Variants in TNNT3 observed in about 807,000 individuals in gnomAD.
TNNT3 encodes troponin T3, fast skeletal type, also known as troponin T, fast skeletal muscle.
In TNNT3, 36 loss-of-function variants were observed where a neutral mutation model predicts 54.2. That is an observed-to-expected ratio of 0.66 (90% CI 0.51 to 0.88). The LOEUF is 0.88. Ranked by LOEUF, TNNT3 falls within the 40% of genes least tolerant of loss-of-function variation. The pLI is 0.00. For synonymous variants in TNNT3, 120 were observed against 109.7 expected (o/e 1.09, Z -0.59); for missense variants, 291 against 331.6 (o/e 0.88, Z 0.95).
At position 1,926,642 on chromosome 11, in the gene TNNT3, A is replaced by G. The variant is rs531257880; in HGVS notation, c.68-53A>G. 52 of 1,612,334 alleles carry G rather than the reference A, an allele frequency of 3.2e-5. No homozygotes were observed. In the South Asian group the frequency reaches 4.9e-4, roughly 15 times the overall value. ...TCCTCTCTGCGCTGCCACCACTCAC[A>G]CTGGTCCTCTCTCTCTCCCGCCCTT... is the stretch of plus-strand genomic sequence containing the variant. On this transcript the variant is annotated intron_variant, in intron 5 of 15. Coordinates refer to ENST00000278317, the MANE Select transcript of TNNT3 (RefSeq NM_006757.4).
chr11:1,919,807 G>GC (rs1485250353), intron 1 of TNNT3, 45 bp downstream of exon 1: 4 of 152,280 alleles, frequency 2.6e-5, no homozygotes, highest in Non-Finnish European at 5.9e-5. Context: ...GGCCGACGGG[G>GC]CCTCCTGCGT....
chr11:1,921,785 G>A (rs550020269), intron 1 of TNNT3, among the ~76,000 whole-genome samples: 107 of 152,324 alleles, frequency 7.0e-4, no homozygotes, highest in African/African-American at 2.5e-3. Flanking sequence ...TATTGTCTTC[G>A]AGTAATCTGT....
intron 6 of TNNT3, among the ~76,000 whole-genome samples, chr11:1,926,948 G>A (rs1464143938): frequency 1.3e-5 from 2 of 152,194 alleles, no homozygotes; most frequent in African/African-American, 4.8e-5. Flanking sequence ...GGACAATGAG[G>A]CCCTTCCTGG....
chr11:1,936,681 C>G (rs970643213), intron 14 of TNNT3, among the ~76,000 whole-genome samples: 1 of 152,232 alleles, frequency 6.6e-6, no homozygotes, highest in Non-Finnish European at 1.5e-5. Flanking sequence ...CACATCCTGC[C>G]GCAGGCTGAA....
At position 1,938,464 on chromosome 11, in the gene TNNT3, A is replaced by T; in HGVS notation, c.749A>T (p.Lys250Met). The T allele has an allele frequency of 1.9e-6, 3 of 1,613,406 alleles. No individual in the cohort carries two copies. Among genetic ancestry groups the T allele is most frequent in the Non-Finnish European group, 2.5e-6 (3 of 1,179,936 alleles). ...AGCAAGAAGGCTGGGACCCCAGCCAAGGGCAAAGTCGGCGGGCGCTGGAAG... is the reference window on the plus strand; with the variant it reads ...AGCAAGAAGGCTGGGACCCCAGCCATGGGCAAAGTCGGCGGGCGCTGGAAG... ...KHSKKAGTPA[K>M]GKVGGRWK Residue 250 changes from lysine to methionine, a missense_variant, in exon 16 of 16, where the codon AAG (lysine) becomes ATG (methionine). Transcript: ENST00000278317.
chr11:1,937,472 C>T (rs1333129603), intron 15 of TNNT3, among the ~76,000 whole-genome samples: 2 of 152,190 alleles, frequency 1.3e-5, no homozygotes, highest in African/African-American at 4.8e-5. Context: ...ATGGACTCCT[C>T]AGGATGGTGA....
chr11:1,930,448 TC>T (rs34123510), intron 8 of TNNT3, among the ~76,000 whole-genome samples: 27 of 152,068 alleles, frequency 1.8e-4, no homozygotes. Context: ...GGGCCCCTGC[TC>T]CCCTTTGGGG....
intron 8 of TNNT3, among the ~76,000 whole-genome samples, chr11:1,930,952 G>T (rs536102035): frequency 4.9e-4 from 75 of 152,292 alleles, no homozygotes; most frequent in African/African-American, 1.8e-3. Flanking sequence ...CTGTGGAAAA[G>T]AGCAGAAAGA....
chr11:1,928,597 T>A (rs555992937), intron 6 of TNNT3, among the ~76,000 whole-genome samples: 1 of 152,228 alleles, frequency 6.6e-6, no homozygotes, highest in Admixed American at 6.5e-5. Flanking sequence ...AGACATCACG[T>A]TGCCGGCAGA....
At chr11:1,938,280 C>T in intron 15 of TNNT3, 158 bp from the exon 16 acceptor site, 1 of 802,482 alleles carries the variant, frequency 1.2e-6, no homozygotes, top group Non-Finnish European at 2.2e-6. Flanking sequence ...TGAGTGGGCA[C>T]TGCCCGGACT....
intron 8 of TNNT3, among the ~76,000 whole-genome samples, chr11:1,931,395 C>T (rs187979083): frequency 1.3e-5 from 2 of 152,384 alleles, no homozygotes; most frequent in South Asian, 2.1e-4. Context: ...CCGTCTCCTA[C>T]GTGGGATGTG....
At chr11:1,937,109 G>A in intron 15 of TNNT3, 106 bp downstream of exon 15, 1 of 1,280,240 alleles carries the variant, frequency 7.8e-7, no homozygotes, top group Admixed American at 2.0e-5. Flanking sequence ...CCTCGGCAGG[G>A]CAGTAACGAG....
At chr11:1,924,262 C>T (rs892413244) in intron 4 of TNNT3, among the ~76,000 whole-genome samples, 2 of 152,204 alleles carry the variant, frequency 1.3e-5, no homozygotes, top group Admixed American at 6.5e-5. Flanking sequence ...GCCTGGAGCC[C>T]CCTCCCTGTG....
intron 15 of TNNT3, 71 bp from the exon 16 acceptor site, chr11:1,938,367 C>A: frequency 6.4e-7 from 1 of 1,559,558 alleles, no homozygotes; most frequent in Middle Eastern, 1.8e-4. Context: ...AGAGTCCGCC[C>A]AGGGTGGGGG....
chr11:1,929,139 G>C lies in TNNT3; in HGVS notation c.102G>C (p.Ala34=). 4 of 1,613,006 alleles carry C rather than the reference G, an allele frequency of 2.5e-6. No individual in the cohort carries two copies. Among genetic ancestry groups the C allele is most frequent in the Non-Finnish European group, 3.4e-6 (4 of 1,179,974 alleles). The change falls in exon 7 of 16, where the codon GCG becomes GCC. Residue 34 remains alanine, a synonymous_variant. Coordinates refer to ENST00000278317, the MANE Select transcript of TNNT3 (RefSeq NM_006757.4). ...TGGAAGACACCGCAGAGGAGGACGC[G>C]GAAGGTAAGGGCCCGTCCCTGCCGC... ...EVQEDTAEED[A]EEEKPRPKLT...
chr11:1,927,957 C>T (rs3781952), intron 6 of TNNT3: 31,242 of 152,218 alleles, frequency 0.21, 3,283 homozygotes, highest in African/African-American at 0.24. Context: ...GCATCCGGAA[C>T]GGGTGACCTC....
chr11:1,935,157 C>T (rs1854604135), intron 14 of TNNT3: 1 of 597,378 alleles, frequency 1.7e-6, no homozygotes, highest in East Asian at 2.9e-5. Context: ...GAACCTGGCC[C>T]CTTTGGGCGG....
At chr11:1,920,115 G>A (rs945456042) in intron 1 of TNNT3, among the ~76,000 whole-genome samples, 3 of 152,178 alleles carry the variant, frequency 2.0e-5, no homozygotes, top group Admixed American at 6.5e-5. Flanking sequence ...GAGCGGCAGG[G>A]AAGAGGCTGT....
At chr11:1,922,145 G>A (rs1166525493) in intron 1 of TNNT3, among the ~76,000 whole-genome samples, 2 of 152,200 alleles carry the variant, frequency 1.3e-5, no homozygotes, top group South Asian at 4.1e-4. Flanking sequence ...AACCCAACGT[G>A]CTCTGGGGCT....
Sources: allele counts gnomAD v4.1 joint callset (sites outside exome capture counted in the v4.1 genomes callset), GRCh38; gene constraint gnomAD v4.1.1; transcripts MANE v1.5; gene names NCBI Gene and HGNC (gene_info 2026-07-23, HGNC 2026-07-21).